Variants in VAV3 observed in about 807,000 individuals in gnomAD.
VAV3 encodes the protein vav guanine nucleotide exchange factor 3, also known as guanine nucleotide exchange factor VAV3.
In VAV3, 94 loss-of-function variants were observed where a neutral mutation model predicts 131.2. The ratio of observed to expected loss-of-function variants is 0.72; its 90% confidence interval spans 0.61 to 0.85. VAV3 has a LOEUF of 0.85. VAV3 is among the 40% of genes least tolerant of loss of function. The pLI, the probability that VAV3 is intolerant of heterozygous loss-of-function variation, is 0.00. For synonymous variants in VAV3, 349 were observed against 342.0 expected, an observed-to-expected ratio of 1.02 and a Z score of -0.22; for missense variants, 939 against 1,002.7, an observed-to-expected ratio of 0.94 and a Z score of 0.86.
chr1:107,623,631 T>C (rs555498796), intron 20 of VAV3, among the ~76,000 whole-genome samples: 1 of 152,340 alleles, frequency 6.6e-6, no homozygotes, highest in African/African-American at 2.4e-5. Flanking sequence ...GAGTAAGATA[T>C]GCATTTTCTA....
chr1:107,739,526 A>G lies in VAV3; in HGVS notation c.1502+9442T>C, dbSNP rs192018513. On this transcript the variant is annotated intron_variant, in intron 15 of 26. Coordinates refer to ENST00000370056, the MANE Select transcript of VAV3 (RefSeq NM_006113.5). ...GTCAGCACCATGAGACTCTCAGCAC[A>G]GCCCAGAGGCAACTGATGGTGCCGG... Among the ~76,000 whole-genome samples the G allele has an allele frequency of 5.9e-5, 9 of 152,368 alleles. No individual in the cohort carries two copies. In the East Asian group the frequency reaches 1.7e-3, roughly 29 times the overall value.
intron 17 of VAV3, among the ~76,000 whole-genome samples, chr1:107,699,463 G>A (rs1431644783): frequency 6.6e-6 from 1 of 152,232 alleles, no homozygotes; most frequent in Non-Finnish European, 1.5e-5. Context: ...GGCAATGAGT[G>A]TCTGCGGGTT....
At chr1:107,609,888 T>C in intron 22 of VAV3, 43 bp downstream of exon 22, 1 of 1,593,622 alleles carries the variant, frequency 6.3e-7, no homozygotes, top group Non-Finnish European at 8.6e-7. Context: ...GAGCTAAGGG[T>C]ATGGTATTTC....
chr1:107,911,543 G>A (rs1672367106), intron 1 of VAV3, among the ~76,000 whole-genome samples: 1 of 152,056 alleles, frequency 6.6e-6, no homozygotes, highest in Non-Finnish European at 1.5e-5. Flanking sequence ...TAAATCTACA[G>A]AATAATTAAG....
At chr1:107,877,856 A>T (rs1421627097) in intron 1 of VAV3, among the ~76,000 whole-genome samples, 1 of 152,140 alleles carries the variant, frequency 6.6e-6, no homozygotes, top group African/African-American at 2.4e-5. Context: ...TGCTGAGTCT[A>T]GTGCGAGCCT....
intron 1 of VAV3, among the ~76,000 whole-genome samples, chr1:107,927,643 T>C (rs1204828033): frequency 6.6e-6 from 1 of 151,996 alleles, no homozygotes; most frequent in Non-Finnish European, 1.5e-5. Flanking sequence ...GGTAGTCCCG[T>C]AGTACTCCCT....
At chr1:107,697,430 A>C (rs1399938919) in intron 17 of VAV3, among the ~76,000 whole-genome samples, 1 of 152,234 alleles carries the variant, frequency 6.6e-6, no homozygotes, top group Non-Finnish European at 1.5e-5. Flanking sequence ...AATGGAGGTC[A>C]ATGGAAATAT....
intron 1 of VAV3, among the ~76,000 whole-genome samples, chr1:107,915,144 T>G (rs747657958): frequency 2.0e-5 from 3 of 152,162 alleles, no homozygotes; most frequent in Non-Finnish European, 2.9e-5. Context: ...GAAAAGATTT[T>G]TAAACTTAAT....
At chr1:107,658,633 C>T (rs535713966) in intron 19 of VAV3, among the ~76,000 whole-genome samples, 58 of 152,020 alleles carry the variant, frequency 3.8e-4, no homozygotes, top group South Asian at 1.9e-3. Flanking sequence ...TTTTTAATGA[C>T]TGCCATTCTA....
chr1:107,601,788 C>CTG (rs3838419), intron 24 of VAV3, among the ~76,000 whole-genome samples: 54,317 of 151,640 alleles, frequency 0.36, 10,016 homozygotes, highest in Middle Eastern at 0.42. Flanking sequence ...TTTTTTTAAA[C>CTG]TGGGAATAAT....
intron 2 of VAV3, among the ~76,000 whole-genome samples, chr1:107,822,353 GA>G (rs879317309): frequency 2.3e-4 from 34 of 150,804 alleles, no homozygotes; most frequent in East Asian, 7.8e-4. Flanking sequence ...AAAAAGAGGG[GA>G]AAAAAAAATA....
chr1:107,907,684 C>T (rs896372596), intron 1 of VAV3, among the ~76,000 whole-genome samples: 3 of 150,952 alleles, frequency 2.0e-5, no homozygotes, highest in African/African-American at 4.9e-5. Flanking sequence ...CACACACACA[C>T]GCGCTCTCTC....
chr1:107,958,840 A>G (rs1020793672), intron 1 of VAV3, among the ~76,000 whole-genome samples: 1 of 152,074 alleles, frequency 6.6e-6, no homozygotes, highest in African/African-American at 2.4e-5. Flanking sequence ...ATATGTTCTC[A>G]TTCTTCATAT....
At chr1:107,599,207 TC>T (rs1442783903) in intron 24 of VAV3, among the ~76,000 whole-genome samples, 1 of 152,198 alleles carries the variant, frequency 6.6e-6, no homozygotes, top group Non-Finnish European at 1.5e-5. Context: ...ATATTTTAGT[TC>T]CATTTTTACA....
intron 9 of VAV3, among the ~76,000 whole-genome samples, chr1:107,762,731 T>C (rs1370610314): frequency 5.3e-5 from 8 of 152,160 alleles, no homozygotes; most frequent in Admixed American, 5.2e-4. Flanking sequence ...AAAAGTCAGT[T>C]CCTTTACATT....
Position 107,757,342 on chromosome 1 carries a change from T to C in VAV3, c.1018-13A>G. Reference sequence around the variant, plus strand: ...GTTTGACCAGTTCCTATTTGGAAGATATGGTTTAGTACTACTTTCATCAAA... The same window carrying C: ...GTTTGACCAGTTCCTATTTGGAAGACATGGTTTAGTACTACTTTCATCAAA... On this transcript the variant is annotated splice_polypyrimidine_tract_variant and intron_variant, in intron 10 of 26. Coordinates refer to ENST00000370056, the MANE Select transcript of VAV3 (RefSeq NM_006113.5). 1.9e-6 allele frequency: 3 copies of C among 1,607,042 alleles called. No individual in the cohort carries two copies. Among genetic ancestry groups the C allele is most frequent in the Non-Finnish European group, 2.6e-6 (3 of 1,176,346 alleles).
intron 26 of VAV3, among the ~76,000 whole-genome samples, chr1:107,573,655 C>T (rs967346986): frequency 6.6e-6 from 1 of 152,172 alleles, no homozygotes; most frequent in Non-Finnish European, 1.5e-5. Context: ...CCTATTTCTG[C>T]TGTAGAACAG....
At chr1:107,696,127 T>A (rs1351110647) in intron 17 of VAV3, among the ~76,000 whole-genome samples, 1 of 152,250 alleles carries the variant, frequency 6.6e-6, no homozygotes, top group Non-Finnish European at 1.5e-5. Context: ...TACTTTTTAA[T>A]CAATGATATC....
intron 2 of VAV3, among the ~76,000 whole-genome samples, chr1:107,844,459 C>T (rs941324636): frequency 6.6e-6 from 1 of 152,140 alleles, no homozygotes; most frequent in Non-Finnish European, 1.5e-5. Flanking sequence ...CCTGGAACAC[C>T]AGCGAGACGG....
Sources: gnomAD v4.1 joint callset for allele counts (sites outside exome capture counted in the v4.1 genomes callset) on GRCh38, gnomAD v4.1.1 for gene constraint, MANE v1.5 for transcripts, NCBI Gene and HGNC (gene_info 2026-07-23, HGNC 2026-07-21) for gene names.